The following MLKL variants were observed in gnomAD, a reference collection of about 807,000 sequenced individuals.
MLKL encodes mixed lineage kinase domain like pseudokinase.
A neutral mutation model predicts 56.5 loss-of-function variants in MLKL; 55 were observed. The ratio of observed to expected loss-of-function variants is 0.97; its 90% confidence interval spans 0.78 to 1.22. The LOEUF is 1.22. Among genes scored for constraint, MLKL ranks in the 50% most tolerant of loss-of-function variants. The probability of loss-of-function intolerance (pLI) is 0.00; values close to 1 mark genes in which losing one functional copy is unlikely to be tolerated. For missense variants in MLKL, 694 were observed against 573.9 expected (o/e 1.21, Z -2.14); for synonymous variants, 251 against 208.3 (o/e 1.20, Z -1.76).
intron 10 of MLKL, 26 bp from the exon 11 acceptor site, chr16:74,672,564 G>A: frequency 6.2e-7 from 1 of 1,612,134 alleles, no homozygotes; most frequent in Non-Finnish European, 8.5e-7. Context: ...CAGAAAATTA[G>A]ACCAGGGTAG....
chr16:74,685,730 A>G lies in MLKL; in HGVS notation c.723-147T>C, dbSNP rs1386006237. The stretch of plus-strand genomic sequence containing the variant: ...TGCCAGGATGAACTCAGCTACTGAT[A>G]ACAACATGTGGAACCCCTCAGGTGC... On this transcript the variant is annotated intron_variant, in intron 4 of 10. Transcript: ENST00000308807. 3 of 654,688 alleles carry G rather than the reference A, an allele frequency of 4.6e-6. No individual in the cohort carries two copies. In the African/African-American group the frequency reaches 5.4e-5, roughly 12 times the overall value. 40.6% of individuals were successfully genotyped at this position (654,688 alleles called of 1,614,324 possible).
intron 1 of MLKL, among the ~76,000 whole-genome samples, chr16:74,697,711 C>T (rs1322586243): frequency 2.0e-5 from 3 of 151,852 alleles, no homozygotes; most frequent in African/African-American, 7.3e-5. Flanking sequence ...CCCAGCTACT[C>T]AGGAGGCTGA....
intron 10 of MLKL, among the ~76,000 whole-genome samples, chr16:74,674,041 C>T (rs79334700): frequency 0.13 from 19,432 of 151,890 alleles, 1,496 homozygotes; most frequent in Admixed American, 0.24. Context: ...CCTTTCCAAC[C>T]CACTTTGGAT....
chr16:74,692,201 A>T (rs1425503583), intron 3 of MLKL, 141 bp downstream of exon 3: 1 of 716,742 alleles, frequency 1.4e-6, no homozygotes, highest in Admixed American at 2.6e-5. Context: ...CCATGAATGG[A>T]TCCCCAAACC....
At position 74,675,024 on chromosome 16, in the gene MLKL, T is replaced by C. The variant is rs1261306401; in HGVS notation, c.1317A>G (p.Ser439=). 1.2e-6 allele frequency: 2 copies of C among 1,614,098 alleles called. No homozygotes were observed. The highest frequency in any genetic ancestry group is 1.7e-6 in the Non-Finnish European group (2 of 1,180,050). Residue 439 remains serine (S), a synonymous_variant, in exon 10 of 11, where the codon TCA becomes TCG. Transcript: ENST00000308807. ...QQEPLGEDCP[S]ELREIIDECR... is the part of the protein sequence containing the mutation. The stretch of plus-strand genomic sequence containing the variant: ...ACTCATCAATGATCTCCCGCAGCTC[T>C]GAAGGGCAGTCTTCACCCAGTGGCT...
At chr16:74,681,844 G>C (rs983300435) in intron 6 of MLKL, among the ~76,000 whole-genome samples, 12 of 151,956 alleles carry the variant, frequency 7.9e-5, no homozygotes, top group African/African-American at 2.9e-4. Flanking sequence ...CATTAAATTT[G>C]AGTTTCTGAT....
intron 2 of MLKL, among the ~76,000 whole-genome samples, chr16:74,694,372 T>C (rs1303971069): frequency 6.6e-6 from 1 of 152,104 alleles, no homozygotes; most frequent in African/African-American, 2.4e-5. Context: ...GCCCCTGAGG[T>C]CAAGGAGGGA....
intron 4 of MLKL, among the ~76,000 whole-genome samples, chr16:74,685,983 A>T (rs1263308489): frequency 2.0e-5 from 3 of 149,610 alleles, no homozygotes; most frequent in Non-Finnish European, 4.4e-5. Context: ...TTTTGGAGAC[A>T]GGGTCTTGCT....
chr16:74,691,851 T>C (rs1960700932), intron 3 of MLKL, among the ~76,000 whole-genome samples: 1 of 152,182 alleles, frequency 6.6e-6, no homozygotes, highest in South Asian at 2.1e-4. Flanking sequence ...GTTAGGGACA[T>C]AGTTCAAGCT....
chr16:74,697,005 A>AGTAATACATATATG (rs1567622312), intron 1 of MLKL, among the ~76,000 whole-genome samples: 36 of 143,318 alleles, frequency 2.5e-4, no homozygotes, highest in Admixed American at 4.9e-4. Flanking sequence ...ATACATATAT[A>AGTAATACATATATG]TAATATTACA....
intron 5 of MLKL, among the ~76,000 whole-genome samples, chr16:74,683,126 T>G (rs1429026096): frequency 6.6e-6 from 1 of 152,086 alleles, no homozygotes; most frequent in Non-Finnish European, 1.5e-5. Flanking sequence ...CTGGCCTACG[T>G]GGTGAAACCA....
At chr16:74,685,157 C>G (rs561162254) in intron 5 of MLKL, among the ~76,000 whole-genome samples, 1 of 152,154 alleles carries the variant, frequency 6.6e-6, no homozygotes, top group African/African-American at 2.4e-5. Context: ...AGCCACTGCA[C>G]CTGGCAGCTT....
rs747685717 is a variant in MLKL at position 74,672,520 on chromosome 16, G to A, written c.1400C>T (p.Ser467Phe). 1 of 1,613,980 alleles carries A rather than the reference G, an allele frequency of 6.2e-7. No homozygotes were observed. The highest frequency in any genetic ancestry group is 1.1e-5 in the South Asian group (1 of 91,072). Reference sequence around the variant, plus strand: ...TTTGATACACTACTTAGAAAAGGTGGAGAGTTTCTTTAAGATTTCTGTGGA... The same window carrying A: ...TTTGATACACTACTTAGAAAAGGTGAAGAGTTTCTTTAAGATTTCTGTGGA... ...PSVDEILKKLSTFSK is the reference protein window; with the variant it reads ...PSVDEILKKLFTFSK Residue 467 changes from serine (S) to phenylalanine (F), a missense_variant, in exon 11 of 11, where the codon TCC becomes TTC. Transcript: ENST00000308807.
intron 1 of MLKL, among the ~76,000 whole-genome samples, chr16:74,698,365 A>G (rs888786171): frequency 1.3e-5 from 2 of 152,150 alleles, no homozygotes; most frequent in Non-Finnish European, 2.9e-5. Context: ...GAGCCCAAGT[A>G]TGGCTTTAAA....
intron 6 of MLKL, among the ~76,000 whole-genome samples, chr16:74,681,157 C>T (rs1597488113): frequency 6.6e-6 from 1 of 152,096 alleles, no homozygotes; most frequent in East Asian, 1.9e-4. Flanking sequence ...TCCTGAGTAG[C>T]TGAGATTACA....
At chr16:74,686,503 A>T (rs1468360354) in intron 4 of MLKL, among the ~76,000 whole-genome samples, 1 of 152,208 alleles carries the variant, frequency 6.6e-6, no homozygotes, top group Non-Finnish European at 1.5e-5. Context: ...GAACGGCGTG[A>T]ACCCAGGAGG....
In MLKL at chr16:74,691,309, T is replaced by C. The variant is rs1178871807; in HGVS notation, c.690A>G (p.Lys230=). 6.2e-7 allele frequency: 1 copy of C among 1,612,550 alleles called. No homozygotes were observed. Among genetic ancestry groups the C allele is most frequent in the Non-Finnish European group, 8.5e-7 (1 of 1,179,610 alleles). Residue 230 remains lysine (K), a synonymous_variant, in exon 4 of 11, where the codon AAA becomes AAG. Coordinates refer to ENST00000308807, the MANE Select transcript of MLKL (RefSeq NM_152649.4). The stretch of plus-strand genomic sequence containing the variant: ...TGCCAGCCTGGAGTTTTTTGAATAC[T>C]TTTATGGCCACTGGAGCTCTGTGGT... ...GEYHRAPVAI[K]VFKKLQAGSI... is the part of the protein sequence containing the mutation.
chr16:74,693,850 G>A (rs146451868), intron 2 of MLKL, among the ~76,000 whole-genome samples: 3 of 152,070 alleles, frequency 2.0e-5, no homozygotes, highest in South Asian at 2.1e-4. Context: ...TGATCCGCCC[G>A]CCTCGGCCTC....
intron 6 of MLKL, among the ~76,000 whole-genome samples, chr16:74,680,126 G>C (rs1207808787): frequency 6.6e-6 from 1 of 152,190 alleles, no homozygotes; most frequent in East Asian, 1.9e-4. Context: ...GTCTATAAGG[G>C]TGAAAGGGCT....
Sources: gnomAD v4.1 joint callset for allele counts (sites outside exome capture counted in the v4.1 genomes callset) on GRCh38, gnomAD v4.1.1 for gene constraint, MANE v1.5 for transcripts, NCBI Gene and HGNC (gene_info 2026-07-23, HGNC 2026-07-21) for gene names.